FAM13A: variants seen among roughly 807,000 people sequenced by gnomAD.
The protein encoded by FAM13A is protein FAM13A.
A neutral mutation model predicts 129.6 loss-of-function variants in FAM13A; 76 were observed. That is an observed-to-expected ratio of 0.59 (90% CI 0.49 to 0.71). FAM13A has a LOEUF of 0.71. FAM13A is among the 30% of genes least tolerant of loss of function. The probability of loss-of-function intolerance (pLI) is 0.00; values close to 1 mark genes in which losing one functional copy is unlikely to be tolerated. For synonymous variants in FAM13A, 443 were observed against 449.9 expected (o/e 0.98, Z 0.20); for missense variants, 1,108 against 1,249.3 (o/e 0.89, Z 1.70).
At chr4:88,963,468 T>C (rs954734678) in intron 4 of FAM13A, among the ~76,000 whole-genome samples, 4 of 152,096 alleles carry the variant, frequency 2.6e-5, no homozygotes, top group Admixed American at 2.0e-4. Flanking sequence ...CAGCGAATTT[T>C]TGTATTTTTA....
chr4:88,946,233 C>T (rs1755823357), intron 4 of FAM13A, among the ~76,000 whole-genome samples: 1 of 151,258 alleles, frequency 6.6e-6, no homozygotes. Context: ...ATGCGAGGTC[C>T]TATTCCAGCC....
chr4:88,937,719 A>G (rs924425201), intron 5 of FAM13A: 11 of 242,584 alleles, frequency 4.5e-5, no homozygotes, highest in Non-Finnish European at 8.6e-5. Context: ...TGTCTTCAGG[A>G]ATTTGCAATC....
At chr4:88,753,628 T>C in intron 14 of FAM13A, 1 of 942,350 alleles carries the variant, frequency 1.1e-6, no homozygotes, top group Non-Finnish European at 1.3e-6. Context: ...CCTGATTCTC[T>C]CCTTTTTCTC....
intron 5 of FAM13A, among the ~76,000 whole-genome samples, chr4:88,918,237 G>A (rs1750415305): frequency 6.6e-6 from 1 of 152,134 alleles, no homozygotes; most frequent in Non-Finnish European, 1.5e-5. Context: ...CAGCATTGAT[G>A]GTAATGATAA....
chr4:88,987,708 G>A (rs549919735), intron 4 of FAM13A, among the ~76,000 whole-genome samples: 1 of 151,858 alleles, frequency 6.6e-6, no homozygotes, highest in South Asian at 2.1e-4. Flanking sequence ...CAGGCGTGGT[G>A]GCGGGCGCCT....
At chr4:88,958,696 G>A (rs893178343) in intron 4 of FAM13A, among the ~76,000 whole-genome samples, 25 of 152,200 alleles carry the variant, frequency 1.6e-4, no homozygotes, top group African/African-American at 5.1e-4. Flanking sequence ...GAGGGGAAAC[G>A]TGGAGTTGGA....
chr4:88,771,441 G>A (rs1383141580), intron 11 of FAM13A, among the ~76,000 whole-genome samples: 1 of 152,130 alleles, frequency 6.6e-6, no homozygotes, highest in Non-Finnish European at 1.5e-5. Flanking sequence ...GGTGCTAATA[G>A]TACTTGTCTA....
At chr4:88,773,279 C>T (rs952119690) in intron 11 of FAM13A, among the ~76,000 whole-genome samples, 3 of 152,206 alleles carry the variant, frequency 2.0e-5, no homozygotes, top group African/African-American at 4.8e-5. Flanking sequence ...ACTGCTACCT[C>T]GTTTTTCTTC....
chr4:88,874,530 C>A (rs941781370), intron 6 of FAM13A, among the ~76,000 whole-genome samples: 24 of 152,124 alleles, frequency 1.6e-4, no homozygotes, highest in Non-Finnish European at 3.2e-4. Flanking sequence ...TGAGTGAACT[C>A]CCATTCACAA....
intron 8 of FAM13A, among the ~76,000 whole-genome samples, chr4:88,791,690 T>C (rs1461905170): frequency 6.6e-6 from 1 of 152,132 alleles, no homozygotes; most frequent in African/African-American, 2.4e-5. Flanking sequence ...ATATTGATAG[T>C]TGTCTTTCAA....
At chr4:89,037,543 T>C (rs376852327) in intron 1 of FAM13A, among the ~76,000 whole-genome samples, 12 of 152,222 alleles carry the variant, frequency 7.9e-5, no homozygotes, top group African/African-American at 2.4e-4. Flanking sequence ...GACTGGACTT[T>C]TGAGTTAATG....
intron 11 of FAM13A, among the ~76,000 whole-genome samples, chr4:88,777,285 A>T (rs1361665201): frequency 6.6e-6 from 1 of 152,174 alleles, no homozygotes; most frequent in Non-Finnish European, 1.5e-5. Flanking sequence ...AATTTAGGAA[A>T]CTTACTTTGT....
intron 1 of FAM13A, among the ~76,000 whole-genome samples, chr4:89,037,900 C>T (rs1465747394): frequency 1.3e-5 from 2 of 152,236 alleles, no homozygotes; most frequent in African/African-American, 2.4e-5. Flanking sequence ...CCTCAGGCCT[C>T]CCCAGCCACA....
At chr4:89,056,610 A>G (rs1465232861) in intron 1 of FAM13A, among the ~76,000 whole-genome samples, 2 of 152,228 alleles carry the variant, frequency 1.3e-5, no homozygotes, top group Admixed American at 1.3e-4. Context: ...TCTAATAGCT[A>G]TAATGAAGCA....
chr4:89,035,748 C>A (rs547811920), intron 1 of FAM13A, among the ~76,000 whole-genome samples: 1 of 152,306 alleles, frequency 6.6e-6, no homozygotes, highest in South Asian at 2.1e-4. Flanking sequence ...GCACCTCCTC[C>A]TTTCCTCTCT....
intron 7 of FAM13A, among the ~76,000 whole-genome samples, chr4:88,844,242 A>G (rs534746953): frequency 1.3e-5 from 2 of 152,242 alleles, no homozygotes; most frequent in Admixed American, 1.3e-4. Context: ...ATAAACACAT[A>G]CTTTTTATGT....
chr4:88,835,984 T>C (rs554538458), intron 7 of FAM13A, among the ~76,000 whole-genome samples: 5 of 151,776 alleles, frequency 3.3e-5, no homozygotes, highest in South Asian at 4.1e-4. Flanking sequence ...GCATCTGTCA[T>C]CCATCCTTGA....
In FAM13A at chr4:88,925,203, G is replaced by A. The variant is rs369289751; in HGVS notation, c.759+12885C>T. ...CATTTGACCCAGCCATCCCATTAGT[G>A]GGTATATACTCAATGGACTATAAAT... On this transcript the variant is annotated intron_variant, in intron 5 of 23. Transcript: ENST00000264344. Among the ~76,000 whole-genome samples the A allele has an allele frequency of 5.3e-5, 8 of 152,252 alleles. No homozygotes were observed. The East Asian group carries it at 7.7e-4, about 15-fold the overall frequency.
intron 7 of FAM13A, among the ~76,000 whole-genome samples, chr4:88,811,462 T>C (rs1460374418): frequency 2.0e-5 from 3 of 152,094 alleles, no homozygotes; most frequent in African/African-American, 7.2e-5. Context: ...CTAAGGATCA[T>C]CTCATTCCAT....
Sources: allele counts gnomAD v4.1 joint callset (sites outside exome capture counted in the v4.1 genomes callset), GRCh38; gene constraint gnomAD v4.1.1; transcripts MANE v1.5; gene names NCBI Gene and HGNC (gene_info 2026-07-23, HGNC 2026-07-21).